The following RAP1A variants were observed in gnomAD, a reference collection of about 807,000 sequenced individuals.
RAP1A encodes the protein RAP1A, member of RAS oncogene family, also known as ras-related protein Rap-1A.
In RAP1A, 6 loss-of-function variants were observed where a neutral mutation model predicts 26.4. The ratio of observed to expected loss-of-function variants is 0.23; its 90% CI spans 0.12 to 0.45. RAP1A has a LOEUF of 0.45. Among genes scored for constraint, RAP1A ranks in the 20% least tolerant of loss-of-function variants. The pLI, the probability that RAP1A is intolerant of heterozygous loss-of-function variation, is 0.99. For missense variants in RAP1A, 121 were observed against 217.2 expected, an observed-to-expected ratio of 0.56 and a Z score of 2.78; for synonymous variants, 73 against 79.4, an observed-to-expected ratio of 0.92 and a Z score of 0.43.
chr1:111,588,494 A>G (rs1410070283), intron 1 of RAP1A, among the ~76,000 whole-genome samples: 1 of 152,176 alleles, frequency 6.6e-6, no homozygotes, highest in Non-Finnish European at 1.5e-5. Context: ...GGAACACACA[A>G]GATCCCCCAT....
intron 1 of RAP1A, among the ~76,000 whole-genome samples, chr1:111,592,871 C>T (rs1349536677): frequency 6.6e-6 from 1 of 152,142 alleles, no homozygotes; most frequent in African/African-American, 2.4e-5. Flanking sequence ...CTCTGCGTGG[C>T]TCTTCTGAGT....
At chr1:111,706,587 A>G (rs1571577063) in intron 6 of RAP1A, 1 of 385,350 alleles carries the variant, frequency 2.6e-6, no homozygotes, top group East Asian at 1.6e-4. Flanking sequence ...TGAGGCTGGA[A>G]TAGTAATTGG....
In RAP1A at chr1:111,614,451, A is replaced by C. The variant is rs139873024; in HGVS notation, c.-28+71942A>C. Among the ~76,000 whole-genome samples, 283 of 152,324 alleles carry C rather than the reference A, an allele frequency of 1.9e-3. 1 individual carries two copies. The highest frequency in any genetic ancestry group is 6.7e-3 in the African/African-American group (278 of 41,572). Reference sequence around the variant, plus strand: ...CTTCTTTTTATTGATATGTATCACAATCTTCTTAAAGTCTTCAATTGGTCC... The same window carrying C: ...CTTCTTTTTATTGATATGTATCACACTCTTCTTAAAGTCTTCAATTGGTCC... On this transcript the variant is annotated intron_variant, in intron 1 of 7. Transcript: ENST00000356415.
Position 111,675,941 on chromosome 1 carries a change from G to T in RAP1A, c.-27-15393G>T, listed in dbSNP as rs1306303409. ...AGAAAATGAGAATCAAGTGAAACAG[G>T]TTTCCCCTTATCAAAGATCTTGTGA... is the stretch of plus-strand genomic sequence containing the variant. On this transcript the variant is annotated intron_variant, in intron 1 of 7. Coordinates refer to ENST00000369709, the MANE Select transcript of RAP1A (RefSeq NM_002884.4). Among the ~76,000 whole-genome samples the T allele has an allele frequency of 3.3e-5, 5 of 152,106 alleles. No individual in the cohort carries two copies. The East Asian group carries it at 7.7e-4, about 23-fold the overall frequency.
rs777654864 is a variant in RAP1A at position 111,706,101 on chromosome 1, G to A, written c.468+1615G>A. ...TTGTTAAAGCAGAGAGTTTATAAAC[G>A]AGGGTTTATAAAAACAAACATAGAA... On this transcript the variant is annotated intron_variant, in intron 6 of 7. Transcript: ENST00000369709. Among the ~76,000 whole-genome samples the A allele has an allele frequency of 4.1e-4, 63 of 152,220 alleles. 1 individual carries two copies. The highest frequency in any genetic ancestry group is 1.2e-3 in the East Asian group (6 of 5,190).
chr1:111,686,817 T>A (rs1410703103), intron 1 of RAP1A: 1 of 151,574 alleles, frequency 6.6e-6, no homozygotes, highest in Non-Finnish European at 1.5e-5. Flanking sequence ...AATCCAGGGT[T>A]CCCAATACTC....
chr1:111,609,512 C>T (rs948668034), intron 1 of RAP1A, among the ~76,000 whole-genome samples: 1 of 152,150 alleles, frequency 6.6e-6, no homozygotes, highest in Non-Finnish European at 1.5e-5. Context: ...CATCTAGGCT[C>T]ATAGGTTATT....
At chr1:111,661,555 C>G (rs1286233689) in intron 1 of RAP1A, among the ~76,000 whole-genome samples, 1 of 152,058 alleles carries the variant, frequency 6.6e-6, no homozygotes, top group Non-Finnish European at 1.5e-5. Context: ...AATCCCAGCA[C>G]TTTGGGAGGC....
intron 1 of RAP1A, among the ~76,000 whole-genome samples, chr1:111,674,985 C>T (rs1271689759): frequency 6.6e-6 from 1 of 151,880 alleles, no homozygotes; most frequent in Non-Finnish European, 1.5e-5. Context: ...TTGTCTTTTC[C>T]CCGTTATTTA....
intron 1 of RAP1A, among the ~76,000 whole-genome samples, chr1:111,654,183 G>A (rs189481493): frequency 1.8e-3 from 270 of 152,324 alleles, no homozygotes; most frequent in African/African-American, 6.3e-3. Flanking sequence ...ACGAGTTACT[G>A]TAAGGATTTT....
intron 1 of RAP1A, chr1:111,602,353 A>G (rs977425774): frequency 6.6e-6 from 1 of 152,246 alleles, no homozygotes; most frequent in Non-Finnish European, 1.5e-5. Flanking sequence ...AGAGCCAAAT[A>G]GTTATCTTTA....
intron 1 of RAP1A, among the ~76,000 whole-genome samples, chr1:111,609,696 C>A (rs1190876620): frequency 6.6e-6 from 1 of 152,126 alleles, no homozygotes; most frequent in Non-Finnish European, 1.5e-5. Context: ...AGTGCAGTGG[C>A]ATGCTCTCGG....
intron 1 of RAP1A, among the ~76,000 whole-genome samples, chr1:111,628,155 C>T (rs1571508669): frequency 6.6e-6 from 1 of 152,206 alleles, no homozygotes; most frequent in South Asian, 2.1e-4. Flanking sequence ...TGTGTAAGAC[C>T]ACTTGGCACA....
intron 1 of RAP1A, among the ~76,000 whole-genome samples, chr1:111,583,428 G>A (rs988251130): frequency 1.3e-5 from 2 of 148,770 alleles, no homozygotes; most frequent in South Asian, 2.1e-4. Flanking sequence ...CTATGATTGC[G>A]CCACTCCACT....
intron 1 of RAP1A, among the ~76,000 whole-genome samples, chr1:111,682,639 A>G (rs1302322464): frequency 6.6e-6 from 1 of 152,210 alleles, no homozygotes; most frequent in Non-Finnish European, 1.5e-5. Context: ...TATCCTAAAT[A>G]TATATGGACC....
At chr1:111,588,491 A>G (rs1031087765) in intron 1 of RAP1A, among the ~76,000 whole-genome samples, 1 of 152,168 alleles carries the variant, frequency 6.6e-6, no homozygotes, top group Admixed American at 6.5e-5. Flanking sequence ...CATGGAACAC[A>G]CAAGATCCCC....
At chr1:111,601,087 G>A (rs1658660885) in intron 1 of RAP1A, among the ~76,000 whole-genome samples, 1 of 152,168 alleles carries the variant, frequency 6.6e-6, no homozygotes, top group Non-Finnish European at 1.5e-5. Flanking sequence ...CCTTTCTTGA[G>A]GGCCTGGTCT....
chr1:111,656,480 C>T (rs950550168), intron 1 of RAP1A, among the ~76,000 whole-genome samples: 1 of 152,106 alleles, frequency 6.6e-6, no homozygotes, highest in African/African-American at 2.4e-5. Context: ...GCAAACTCCT[C>T]AAAAAAATTG....
intron 1 of RAP1A, among the ~76,000 whole-genome samples, chr1:111,666,643 TA>T (rs35204143): frequency 0.024 from 3,610 of 148,040 alleles, 83 homozygotes; most frequent in East Asian, 0.073. Flanking sequence ...CACAGAGATT[TA>T]AAAAAAAAAA....
Sources: gnomAD v4.1 joint callset for allele counts (sites outside exome capture counted in the v4.1 genomes callset) on GRCh38, gnomAD v4.1.1 for gene constraint, MANE v1.5 for transcripts, NCBI Gene and HGNC (gene_info 2026-07-23, HGNC 2026-07-21) for gene names.